Variants in AFF1 observed in about 807,000 individuals in gnomAD.
AFF1 encodes AF4/FMR2 family member 1.
In AFF1, 48 loss-of-function variants were observed where a neutral mutation model predicts 121.7. That is an observed-to-expected ratio of 0.39 (90% CI 0.31 to 0.50). The LOEUF (loss-of-function observed/expected upper bound fraction) is 0.50, where lower values mean the gene tolerates loss of function less well. Ranked by LOEUF, AFF1 falls within the 20% of genes least tolerant of loss-of-function variation. The probability of loss-of-function intolerance (pLI) is 0.76; values close to 1 mark genes in which losing one functional copy is unlikely to be tolerated. For synonymous variants in AFF1, 613 were observed against 563.0 expected (o/e 1.09, Z -1.26); for missense variants, 1,523 against 1,511.7 (o/e 1.01, Z -0.12).
intron 2 of AFF1, among the ~76,000 whole-genome samples, chr4:87,000,103 GAAA>G (rs1458752150): frequency 6.6e-6 from 1 of 152,118 alleles, no homozygotes; most frequent in Non-Finnish European, 1.5e-5. Flanking sequence ...AAGTTCAAAG[GAAA>G]TACCTGTGAG....
In AFF1 at chr4:87,126,306, G is replaced by T; in HGVS notation, c.2781G>T (p.Gly927=). Residue 927 remains glycine, a synonymous_variant, in exon 14 of 21, where the codon GGG becomes GGT. Coordinates refer to ENST00000395146, the MANE Select transcript of AFF1 (RefSeq NM_001166693.3). The part of the protein sequence containing the change: ...SSIPKQRRVE[G]KGSRSSSEHK... ...TTCCCAAGCAGAGAAGAGTAGAGGG[G>T]AAGGGCTCCAGAAGCTCCTCGGAGC... is the stretch of plus-strand genomic sequence containing the variant. 6.2e-7 allele frequency: 1 copy of T among 1,614,154 alleles called. No individual in the cohort carries two copies. The highest frequency in any genetic ancestry group is 8.5e-7 in the Non-Finnish European group (1 of 1,180,034).
intron 2 of AFF1, among the ~76,000 whole-genome samples, chr4:87,037,415 A>G (rs569824329): frequency 2.8e-4 from 42 of 152,206 alleles, no homozygotes; most frequent in African/African-American, 9.4e-4. Flanking sequence ...GGGTTCAAGC[A>G]GTTCTCCTGA....
At chr4:87,048,147 T>A (rs1021271430) in intron 4 of AFF1, 4 of 155,638 alleles carry the variant, frequency 2.6e-5, no homozygotes, top group African/African-American at 9.6e-5. Flanking sequence ...TTGTTCCCTG[T>A]AAATTGTAAG....
At chr4:87,056,203 A>G (rs1451930507) in intron 4 of AFF1, among the ~76,000 whole-genome samples, 3 of 151,896 alleles carry the variant, frequency 2.0e-5, no homozygotes, top group Non-Finnish European at 4.4e-5. Flanking sequence ...GTATTTAAGT[A>G]ATTAGAGGTC....
At chr4:86,980,995 C>T (rs2149490668) in intron 2 of AFF1, among the ~76,000 whole-genome samples, 2 of 120,386 alleles carry the variant, frequency 1.7e-5, no homozygotes, top group South Asian at 6.8e-4. Context: ...AACAAATGAA[C>T]TTAACAGTGT....
intron 5 of AFF1, among the ~76,000 whole-genome samples, chr4:87,089,201 C>G (rs1302197111): frequency 1.3e-5 from 2 of 151,938 alleles, no homozygotes; most frequent in African/African-American, 2.4e-5. Context: ...CCATTTTGGC[C>G]TTTTAGAAAA....
At chr4:87,015,749 T>C (rs1429288862) in intron 2 of AFF1, among the ~76,000 whole-genome samples, 1 of 152,260 alleles carries the variant, frequency 6.6e-6, no homozygotes, top group Non-Finnish European at 1.5e-5. Context: ...ATTCTGAGTT[T>C]AAATTTGTAG....
At chr4:87,061,621 A>G (rs867763870) in intron 4 of AFF1, among the ~76,000 whole-genome samples, 3 of 152,232 alleles carry the variant, frequency 2.0e-5, no homozygotes, top group African/African-American at 7.2e-5. Context: ...ATACAGTCTT[A>G]CAGCGCAATC....
At position 87,114,184 on chromosome 4, in the gene AFF1, G is replaced by A. The variant is rs140920872; in HGVS notation, c.1534-183G>A. On this transcript the variant is annotated intron_variant, in intron 11 of 20. Coordinates refer to ENST00000395146, the MANE Select transcript of AFF1 (RefSeq NM_001166693.3). ...TTTCTAAATCCCACAAAAAAGTGAA[G>A]GTTGCTTTAAGAGTTAATTGTTATA... Among the ~76,000 whole-genome samples, 397 of 152,270 alleles carry A rather than the reference G, an allele frequency of 2.6e-3. 3 individuals are homozygous for A. The highest frequency in any genetic ancestry group is 9.0e-3 in the African/African-American group (376 of 41,556).
intron 1 of AFF1, among the ~76,000 whole-genome samples, chr4:86,938,473 G>A (rs1396954438): frequency 2.8e-4 from 42 of 148,912 alleles, no homozygotes; most frequent in African/African-American, 1.0e-3. Flanking sequence ...AAAAAGAAAA[G>A]GAAAAAAGTA....
Position 87,115,286 on chromosome 4 carries a change from C to T in AFF1, c.2453C>T (p.Ala818Val). ...AGCTCAGACAGCTCAAGCAAGTTGG[C>T]CAAAAAGAGAAAGGTGAGTGTGGGG... Reference protein sequence around the residue: ...KRSSDSSSKLAKKRKGEAERD... With the variant: ...KRSSDSSSKLVKKRKGEAERD... The change falls in exon 12 of 21, where the codon GCC becomes GTC. Residue 818 changes from alanine (A) to valine (V), a missense_variant. Coordinates refer to ENST00000395146, the MANE Select transcript of AFF1 (RefSeq NM_001166693.3). The T allele has an allele frequency of 6.3e-7, 1 of 1,599,926 alleles. No homozygotes were observed. The highest frequency in any genetic ancestry group is 8.5e-7 in the Non-Finnish European group (1 of 1,173,308).
intron 1 of AFF1, among the ~76,000 whole-genome samples, chr4:86,942,972 C>A (rs1720575656): frequency 6.6e-6 from 1 of 152,154 alleles, no homozygotes; most frequent in Non-Finnish European, 1.5e-5. Flanking sequence ...ATTCCTAACC[C>A]ATATAATAAG....
intron 2 of AFF1, among the ~76,000 whole-genome samples, chr4:87,001,132 A>G: frequency 6.9e-6 from 1 of 144,296 alleles, no homozygotes; most frequent in Non-Finnish European, 1.5e-5. Context: ...GGGGCCTCAG[A>G]GGTATTACAC....
At chr4:86,977,901 G>A (rs1484713067) in intron 2 of AFF1, among the ~76,000 whole-genome samples, 1 of 152,130 alleles carries the variant, frequency 6.6e-6, no homozygotes, top group African/African-American at 2.4e-5. Flanking sequence ...CACACACCAA[G>A]TATTTATCGA....
chr4:87,093,045 A>G (rs1207333873), intron 7 of AFF1, among the ~76,000 whole-genome samples: 1 of 152,178 alleles, frequency 6.6e-6, no homozygotes, highest in Non-Finnish European at 1.5e-5. Context: ...TTGCTAACTC[A>G]TGGTTTAGAA....
chr4:87,099,010 T>C (rs967459537), intron 8 of AFF1, among the ~76,000 whole-genome samples: 3 of 152,250 alleles, frequency 2.0e-5, no homozygotes, highest in African/African-American at 4.8e-5. Context: ...AATTGTCACA[T>C]CAGGATGTAA....
intron 2 of AFF1, among the ~76,000 whole-genome samples, chr4:87,010,837 CA>C (rs1726664063): frequency 6.6e-6 from 1 of 152,158 alleles, no homozygotes; most frequent in Non-Finnish European, 1.5e-5. Context: ...CCTGTAATCC[CA>C]GCACTTTTGG....
At chr4:86,951,655 C>G (rs1721349639) in intron 2 of AFF1, among the ~76,000 whole-genome samples, 1 of 127,740 alleles carries the variant, frequency 7.8e-6, no homozygotes, top group African/African-American at 3.2e-5. Flanking sequence ...ACGGAGTCTC[C>G]CTCTGTCACC....
chr4:86,963,104 T>A (rs1440662197), intron 2 of AFF1, among the ~76,000 whole-genome samples: 4 of 142,984 alleles, frequency 2.8e-5, no homozygotes, highest in Non-Finnish European at 5.9e-5. Context: ...AGGCAGAGGT[T>A]ACAGTGAGCT....
Sources: gnomAD v4.1 joint callset for allele counts (sites outside exome capture counted in the v4.1 genomes callset) on GRCh38, gnomAD v4.1.1 for gene constraint, MANE v1.5 for transcripts, NCBI Gene and HGNC (gene_info 2026-07-23, HGNC 2026-07-21) for gene names.